The following GATAD2B variants were observed in gnomAD, a reference collection of about 807,000 sequenced individuals.
The protein encoded by GATAD2B is transcriptional repressor p66-beta.
Under a neutral mutation model 64.3 loss-of-function variants are expected in GATAD2B, and 8 were observed. The ratio of observed to expected loss-of-function variants is 0.12; its 90% CI spans 0.07 to 0.22. The LOEUF is 0.22. Ranked by LOEUF, GATAD2B falls within the 10% of genes least tolerant of loss-of-function variation. GATAD2B has a pLI of 1.00. For missense variants in GATAD2B, 453 were observed against 752.0 expected, an observed-to-expected ratio of 0.60 and a Z score of 4.65; for synonymous variants, 281 against 271.3, an observed-to-expected ratio of 1.04 and a Z score of -0.35.
In GATAD2B at chr1:153,809,153, A is replaced by T. The variant is rs1032406635; in HGVS notation, c.*1024T>A. On this transcript the variant is annotated 3_prime_UTR_variant, in exon 11 of 11. Transcript: ENST00000368655. ...GGGACACCCAGCAAACAGCCTTGGAACAGCCGTTCCTCTGTATTATAGATG... is the reference window on the plus strand; with the variant it reads ...GGGACACCCAGCAAACAGCCTTGGATCAGCCGTTCCTCTGTATTATAGATG... The T allele has an allele frequency of 2.4e-4, 36 of 152,216 alleles. No individual in the cohort carries two copies. Among genetic ancestry groups the T allele is most frequent in the African/African-American group, 8.7e-4 (36 of 41,458 alleles). 9.4% of individuals were successfully genotyped at this position (152,216 alleles called of 1,614,324 possible).
chr1:153,820,752 C>T (rs934535596), intron 2 of GATAD2B, among the ~76,000 whole-genome samples: 14 of 152,022 alleles, frequency 9.2e-5, no homozygotes, highest in Non-Finnish European at 2.1e-4. Context: ...ACCTCAGCCT[C>T]CTGAGTAACT....
intron 1 of GATAD2B, among the ~76,000 whole-genome samples, chr1:153,846,481 T>A (rs4323749): frequency 6.6e-6 from 1 of 151,532 alleles, no homozygotes; most frequent in African/African-American, 2.4e-5. Flanking sequence ...CAAGTGATCC[T>A]CCCATCTCAG....
intron 1 of GATAD2B, among the ~76,000 whole-genome samples, chr1:153,905,635 T>C (rs530945343): frequency 9.7e-5 from 14 of 143,788 alleles, no homozygotes; most frequent in Non-Finnish European, 1.8e-4. Context: ...ACTACAGTAA[T>C]CAAAACAGTG....
intron 1 of GATAD2B, among the ~76,000 whole-genome samples, chr1:153,845,081 T>C (rs1366590048): frequency 6.6e-6 from 1 of 152,114 alleles, no homozygotes; most frequent in African/African-American, 2.4e-5. Context: ...TTTCAAAAAG[T>C]TACGCAGAGA....
At chr1:153,858,459 G>T (rs912832096) in intron 1 of GATAD2B, among the ~76,000 whole-genome samples, 2 of 152,134 alleles carry the variant, frequency 1.3e-5, no homozygotes, top group Non-Finnish European at 2.9e-5. Context: ...AGAAAAATTA[G>T]CCCAGGATGG....
At chr1:153,842,902 G>A (rs772386398) in intron 1 of GATAD2B, among the ~76,000 whole-genome samples, 36 of 149,136 alleles carry the variant, frequency 2.4e-4, no homozygotes, top group Non-Finnish European at 3.8e-4. Context: ...TGATCTGCCC[G>A]CCTCGGCCTC....
intron 1 of GATAD2B, among the ~76,000 whole-genome samples, chr1:153,854,352 GA>G (rs1676010015): frequency 6.6e-6 from 1 of 152,034 alleles, no homozygotes; most frequent in South Asian, 2.1e-4. Flanking sequence ...GCAGTGAGCC[GA>G]GATCTTGCCA....
At chr1:153,889,646 A>T in intron 1 of GATAD2B, 1 of 746,642 alleles carries the variant, frequency 1.3e-6, no homozygotes, top group Non-Finnish European at 1.6e-6. Context: ...AAAGTTGTAG[A>T]TGCGTGAACG....
intron 1 of GATAD2B, among the ~76,000 whole-genome samples, chr1:153,830,323 T>C (rs951779060): frequency 6.6e-6 from 1 of 151,390 alleles, no homozygotes; most frequent in Non-Finnish European, 1.5e-5. Flanking sequence ...AATTTTTGTA[T>C]TTTTAGTAGA....
At chr1:153,864,003 CAA>C (rs1220816136) in intron 1 of GATAD2B, among the ~76,000 whole-genome samples, 1 of 152,106 alleles carries the variant, frequency 6.6e-6, no homozygotes, top group Admixed American at 6.6e-5. Flanking sequence ...GAAAGAAAAA[CAA>C]AAAATTCTTT....
intron 1 of GATAD2B, among the ~76,000 whole-genome samples, chr1:153,916,877 C>T (rs551403965): frequency 1.8e-4 from 27 of 152,262 alleles, no homozygotes; most frequent in Admixed American, 3.3e-4. Flanking sequence ...GGCACAATCT[C>T]GGCTCACTGC....
chr1:153,834,403 C>CT (rs770214850), intron 1 of GATAD2B, among the ~76,000 whole-genome samples: 1 of 151,506 alleles, frequency 6.6e-6, no homozygotes, highest in Non-Finnish European at 1.5e-5. Flanking sequence ...TTTTCTTTTT[C>CT]TTTTTTTTAA....
At chr1:153,880,034 A>G (rs1184578052) in intron 1 of GATAD2B, among the ~76,000 whole-genome samples, 1 of 152,178 alleles carries the variant, frequency 6.6e-6, no homozygotes, top group Non-Finnish European at 1.5e-5. Context: ...ACAGAAAAGA[A>G]GAAATAAAAA....
At chr1:153,836,569 A>AAAAAAAAAAATC (rs146947256) in intron 1 of GATAD2B, among the ~76,000 whole-genome samples, 1 of 147,080 alleles carries the variant, frequency 6.8e-6, no homozygotes, top group Non-Finnish European at 1.5e-5. Flanking sequence ...TTAAAAAAAA[A>AAAAAAAAAAATC]AGGCATGGTG....
intron 1 of GATAD2B, among the ~76,000 whole-genome samples, chr1:153,917,630 T>C (rs981901870): frequency 2.1e-5 from 3 of 145,814 alleles, no homozygotes; most frequent in Non-Finnish European, 4.5e-5. Flanking sequence ...CCTGACCTCA[T>C]GTGATCCGCC....
At chr1:153,843,814 CAA>C (rs71584146) in intron 1 of GATAD2B, among the ~76,000 whole-genome samples, 50 of 120,486 alleles carry the variant, frequency 4.1e-4, no homozygotes, top group East Asian at 7.7e-4. Flanking sequence ...CCACCACCAC[CAA>C]AAAAAAAAAA....
At chr1:153,859,468 G>A (rs1241429057) in intron 1 of GATAD2B, among the ~76,000 whole-genome samples, 1 of 151,176 alleles carries the variant, frequency 6.6e-6, no homozygotes, top group Non-Finnish European at 1.5e-5. Context: ...TCAGGAGTTC[G>A]AGACCAGCCT....
intron 1 of GATAD2B, among the ~76,000 whole-genome samples, chr1:153,903,072 G>T (rs1447790018): frequency 6.6e-6 from 1 of 152,080 alleles, no homozygotes; most frequent in African/African-American, 2.4e-5. Flanking sequence ...AAAAAAATTA[G>T]CCGGGCGTGG....
At chr1:153,868,404 C>T (rs1214890270) in intron 1 of GATAD2B, among the ~76,000 whole-genome samples, 1 of 150,038 alleles carries the variant, frequency 6.7e-6, no homozygotes, top group Non-Finnish European at 1.5e-5. Flanking sequence ...GCTGGATTCT[C>T]ATAGCTGCCT....
Sources: allele counts gnomAD v4.1 joint callset (sites outside exome capture counted in the v4.1 genomes callset), GRCh38; gene constraint gnomAD v4.1.1; transcripts MANE v1.5; gene names NCBI Gene and HGNC (gene_info 2026-07-23, HGNC 2026-07-21).